Variants in ZNF606 observed in about 807,000 individuals in gnomAD.
The protein encoded by ZNF606 is zinc finger protein 328.
Under a neutral mutation model 74.9 loss-of-function variants are expected in ZNF606, and 37 were observed. The observed-to-expected ratio is 0.49, with a 90% CI of 0.38 to 0.65. ZNF606 has a LOEUF of 0.65. Ranked by LOEUF, ZNF606 falls within the 30% of genes least tolerant of loss-of-function variation. The pLI is 0.00. For synonymous variants in ZNF606, 328 were observed against 312.4 expected, an observed-to-expected ratio of 1.05 and a Z score of -0.53; for missense variants, 852 against 952.9, an observed-to-expected ratio of 0.89 and a Z score of 1.39.
In ZNF606 at chr19:57,978,646, T is replaced by C. The variant is rs777348404; in HGVS notation, c.2034A>G (p.Lys678=). 6.2e-7 allele frequency: 1 copy of C among 1,614,016 alleles called. No individual in the cohort carries two copies. Among genetic ancestry groups the C allele is most frequent in the Non-Finnish European group, 8.5e-7 (1 of 1,180,034 alleles). Residue 678 remains lysine (K), a synonymous_variant, in exon 7 of 7, where the codon AAA becomes AAG. Transcript: ENST00000551380. The surrounding 1 kb of genome is among the most constrained non-coding windows in gnomAD (Gnocchi z 4.4). The stretch of plus-strand genomic sequence containing the variant: ...TTTCACACTGATTACATTTATAGGG[T>C]TTCTCACCAGTGTGAATTCTCCGAT... ...VAHRRIHTGE[K]PYKCNQCERS... is the part of the protein sequence containing the mutation.
chr19:57,987,395 C>A (rs1325386305), intron 6 of ZNF606, among the ~76,000 whole-genome samples: 1 of 152,064 alleles, frequency 6.6e-6, no homozygotes, highest in Non-Finnish European at 1.5e-5. Flanking sequence ...AGACATGCAC[C>A]ATAAAGCCCA....
Position 57,978,553 on chromosome 19 carries a change from C to G in ZNF606, c.2127G>C (p.Arg709Ser). Reference sequence around the variant, plus strand: ...TAAATGCTTTCCCACATTCATTACACCTGTATGGTTTCTCTCCAGTATGAG... The same window carrying G: ...TAAATGCTTTCCCACATTCATTACAGCTGTATGGTTTCTCTCCAGTATGAG... ...RRTHTGEKPY[R>S]CNECGKAFNE... The change falls in exon 7 of 7, where the codon AGG (arginine) becomes AGC (serine). Residue 709 changes from arginine (R) to serine (S), a missense_variant. This residue lies in a region of ZNF606 where 243 missense variants were observed against 359.2 expected (regional missense o/e 0.68). Coordinates refer to ENST00000551380, the MANE Select transcript of ZNF606 (RefSeq NM_001348022.3). This position sits in a 1 kb window ranked among gnomAD's most constrained non-coding sequence, Gnocchi z 4.4. 6.2e-7 allele frequency: 1 copy of G among 1,614,080 alleles called. No individual in the cohort carries two copies.
In ZNF606 at chr19:57,978,362, A is replaced by C; in HGVS notation, c.2318T>G (p.Phe773Cys). ...RFICSECGKA[F>C]SGHSALLQHQ... ...TTGAAGTAGGGCTGAGTGACCACTA[A>C]AGGCTTTTCCACATTCACTGCATAT... is the stretch of plus-strand genomic sequence containing the variant. Residue 773 changes from phenylalanine (F) to cysteine (C), a missense_variant, in exon 7 of 7, where the codon TTT becomes TGT. Transcript: ENST00000551380. This position sits in a 1 kb window ranked among gnomAD's most constrained non-coding sequence, Gnocchi z 4.4. The C allele has an allele frequency of 6.2e-7, 1 of 1,607,822 alleles. No individual in the cohort carries two copies. Among genetic ancestry groups the C allele is most frequent in the Non-Finnish European group, 8.5e-7 (1 of 1,174,926 alleles).
chr19:57,979,153 C>T lies in ZNF606; in HGVS notation c.1527G>A (p.Glu509=), dbSNP rs137930511. ...CACATTCAGTACATTCAAAAGGTTT[C>T]TCTCCTGTATGAGTCCTCTGATGTC... is the stretch of plus-strand genomic sequence containing the variant. ...LIGHQRTHTG[E]KPFECTECGK... is the part of the protein sequence containing the mutation. The change falls in exon 7 of 7, where the codon GAG becomes GAA. Residue 509 remains glutamate (E), a synonymous_variant. Transcript: ENST00000551380. The T allele has an allele frequency of 1.2e-6, 2 of 1,613,906 alleles. No homozygotes were observed. Among genetic ancestry groups the T allele is most frequent in the Non-Finnish European group, 1.7e-6 (2 of 1,180,038 alleles).
intron 2 of ZNF606, 69 bp from the exon 3 acceptor site, chr19:58,000,808 G>T: frequency 7.0e-7 from 1 of 1,434,680 alleles, no homozygotes; most frequent in African/African-American, 1.4e-5. Context: ...AATACAAGAG[G>T]AGGCTGACTC....
Position 57,978,629 on chromosome 19 carries a change from T to C in ZNF606, c.2051A>G (p.Gln684Arg). Residue 684 changes from glutamine to arginine, a missense_variant, in exon 7 of 7, where the codon CAG becomes CGG. Transcript: ENST00000551380. The surrounding 1 kb of genome is among the most constrained non-coding windows in gnomAD (Gnocchi z 4.4). The stretch of plus-strand genomic sequence containing the variant: ...ACTACAGTTAAAGGATCTTTCACAC[T>C]GATTACATTTATAGGGTTTCTCACC... ...HTGEKPYKCN[Q>R]CERSFNCSSH... 6.2e-7 allele frequency: 1 copy of C among 1,614,052 alleles called. No individual in the cohort carries two copies. The highest frequency in any genetic ancestry group is 8.5e-7 in the Non-Finnish European group (1 of 1,180,036).
Position 57,979,430 on chromosome 19 carries a change from T to C in ZNF606, c.1250A>G (p.Gln417Arg), listed in dbSNP as rs955897286. Residue 417 changes from glutamine to arginine, a missense_variant, in exon 7 of 7, where the codon CAA becomes CGA. By Grantham distance (43) the Gln-to-Arg change is conservative (BLOSUM62 1). Coordinates refer to ENST00000551380, the MANE Select transcript of ZNF606 (RefSeq NM_001348022.3). ...TSFIWSSYLI[Q>R]HKKTHTGEKP... ...TTCTCCAGTATGAGTTTTCTTATGT[T>C]GAATAAGGTAAGAGCTCCAGATGAA... 1 of 1,614,064 alleles carries C rather than the reference T, an allele frequency of 6.2e-7. No individual in the cohort carries two copies. Among genetic ancestry groups the C allele is most frequent in the Admixed American group, 1.7e-5 (1 of 60,006 alleles).
In ZNF606 at chr19:57,988,710, G is replaced by A. The variant is rs139860010; in HGVS notation, c.189C>T (p.Thr63=). ...LPAAQVQEPV[T]FKDVAVDFTQ... is the part of the protein sequence containing the mutation. Reference sequence around the variant, plus strand: ...TGAAGTCCACGGCCACGTCCTTGAAGGTCACTGGTTCCTAAAAGAACACAA... The same window carrying A: ...TGAAGTCCACGGCCACGTCCTTGAAAGTCACTGGTTCCTAAAAGAACACAA... The change falls in exon 5 of 7, where the codon ACC becomes ACT. Residue 63 remains threonine, a synonymous_variant. Coordinates refer to ENST00000551380, the MANE Select transcript of ZNF606 (RefSeq NM_001348022.3). 5.7e-4 allele frequency: 920 copies of A among 1,614,128 alleles called. 2 individuals are homozygous for A. Among genetic ancestry groups the A allele is most frequent in the Non-Finnish European group, 6.7e-4 (794 of 1,180,032 alleles).
In ZNF606 at chr19:57,978,224, G is replaced by A. The variant is rs1384357891; in HGVS notation, c.*77C>T. On this transcript the variant is annotated 3_prime_UTR_variant, in exon 7 of 7. Transcript: ENST00000551380. This position sits in a 1 kb window ranked among gnomAD's most constrained non-coding sequence, Gnocchi z 4.4. ...TCTTACTGAACTCTTAATGAAAAAT[G>A]TCCCCTCTTGATTATGTTTATAGGG... 26 of 1,383,898 alleles carry A rather than the reference G, an allele frequency of 1.9e-5. No homozygotes were observed. The highest frequency in any genetic ancestry group is 2.3e-5 in the Non-Finnish European group (24 of 1,033,226). The allele number at this position is 1,383,898 out of a possible 1,614,324, so 85.7% of individuals were successfully genotyped here.
chr19:57,987,229 G>C (rs568796730), intron 6 of ZNF606, among the ~76,000 whole-genome samples: 1 of 152,138 alleles, frequency 6.6e-6, no homozygotes, highest in Non-Finnish European at 1.5e-5. Context: ...AGTAACAGCA[G>C]GGAGTAAAAA....
rs1298696975 is a variant in ZNF606, at chr19:58,001,288, C to T, written c.31+1G>A. On this transcript the variant is annotated splice_donor_variant, in intron 2 of 6. Transcript: ENST00000551380. LOFTEE classifies it high-confidence loss of function. ...CCAGGAGAAACACAACTTGGACTCA[C>T]CCCAGGAGGCCCACGGGTTGATGGC... The T allele has an allele frequency of 2.5e-6, 4 of 1,614,106 alleles. No individual in the cohort carries two copies. Among genetic ancestry groups the T allele is most frequent in the Admixed American group, 1.7e-5 (1 of 60,000 alleles).
chr19:58,000,511 G>A (rs1172772234), intron 3 of ZNF606, 172 bp downstream of exon 3: 7 of 746,200 alleles, frequency 9.4e-6, no homozygotes, highest in Non-Finnish European at 1.2e-5. Flanking sequence ...GAGTCACCAC[G>A]CCTGGCCACT....
intron 6 of ZNF606, among the ~76,000 whole-genome samples, chr19:57,987,288 C>T (rs114607325): frequency 0.011 from 1,681 of 152,106 alleles, 37 homozygotes; most frequent in African/African-American, 0.039. Flanking sequence ...CTCTGTCACT[C>T]GGGCTGGAGT....
intron 5 of ZNF606, 42 bp downstream of exon 5, chr19:57,988,553 C>A (rs762106867): frequency 7.5e-6 from 12 of 1,594,038 alleles, no homozygotes; most frequent in Admixed American, 5.2e-5. Flanking sequence ...GAAGGCATTA[C>A]CATGGGAACA....
At position 58,001,281 on chromosome 19, in the gene ZNF606, G is replaced by C; in HGVS notation, c.31+8C>G. On this transcript the variant is annotated splice_region_variant and intron_variant, in intron 2 of 6. Transcript: ENST00000551380. The stretch of plus-strand genomic sequence containing the variant: ...GGGAGGCCCAGGAGAAACACAACTT[G>C]GACTCACCCCAGGAGGCCCACGGGT... 1.2e-6 allele frequency: 2 copies of C among 1,609,854 alleles called. No homozygotes were observed. The highest frequency in any genetic ancestry group is 1.7e-6 in the Non-Finnish European group (2 of 1,177,678).
In ZNF606 at chr19:57,978,529, A is replaced by G. The variant is rs377204820; in HGVS notation, c.2151T>C (p.Phe717=). The G allele has an allele frequency of 1.5e-4, 237 of 1,614,048 alleles. No homozygotes were observed. Among genetic ancestry groups the G allele is most frequent in the Middle Eastern group, 4.9e-4 (3 of 6,084 alleles). Residue 717 remains phenylalanine (F), a synonymous_variant, in exon 7 of 7, where the codon TTT becomes TTC. Transcript: ENST00000551380. This position sits in a 1 kb window ranked among gnomAD's most constrained non-coding sequence, Gnocchi z 4.4. The stretch of plus-strand genomic sequence containing the variant: ...GTACAATAAGGGATGAACTCTCATT[A>G]AATGCTTTCCCACATTCATTACACC... ...PYRCNECGKA[F]NESSSLIVHL...
chr19:58,000,862 T>C lies in ZNF606; in HGVS notation c.32-123A>G, dbSNP rs112848942. ...ATTCCATAAACAGAGCCCAAGGGTG[T>C]GTAAAAAAAATGCAACATAAGCTGG... is the stretch of plus-strand genomic sequence containing the variant. On this transcript the variant is annotated intron_variant, in intron 2 of 6. Transcript: ENST00000551380. The C allele has an allele frequency of 3.3e-3, 2,903 of 870,450 alleles. 68 individuals are homozygous for C. In the African/African-American group the frequency reaches 0.046, roughly 14 times the overall value. The allele number at this position is 870,450 out of a possible 1,614,324, so 53.9% of individuals were successfully genotyped here.
chr19:57,986,354 A>C (rs1460967680), intron 6 of ZNF606, among the ~76,000 whole-genome samples: 1 of 152,052 alleles, frequency 6.6e-6, no homozygotes, highest in Non-Finnish European at 1.5e-5. Flanking sequence ...CAGGAGGCTG[A>C]GATGGGAGGA....
At chr19:57,991,264 C>T (rs1231226913) in intron 4 of ZNF606, among the ~76,000 whole-genome samples, 2 of 152,012 alleles carry the variant, frequency 1.3e-5, no homozygotes, top group African/African-American at 2.4e-5. Flanking sequence ...CTTATTTTTA[C>T]CAAGCTCTCA....
Sources: gnomAD v4.1 joint callset for allele counts (sites outside exome capture counted in the v4.1 genomes callset) on GRCh38, gnomAD v4.1.1 for gene constraint, gnomAD v4.1.1 regional missense constraint, Gnocchi (gnomAD v3.1) non-coding constraint, MANE v1.5 for transcripts, NCBI Gene and HGNC (gene_info 2026-07-23, HGNC 2026-07-21) for gene names.